Variants in EYS observed in about 807,000 individuals in gnomAD.
EYS encodes the protein EGF-like photoreceptor maintenance factor.
In EYS, 250 loss-of-function variants were observed where a neutral mutation model predicts 282.1. The observed-to-expected ratio is 0.89, with a 90% confidence interval of 0.80 to 0.98. The LOEUF is 0.98. EYS is among the 50% of genes least tolerant of loss of function. EYS has a pLI of 0.00. For missense variants in EYS, 4,016 were observed against 3,709.0 expected, an observed-to-expected ratio of 1.08 and a Z score of -2.15; for synonymous variants, 1,355 against 1,282.9, an observed-to-expected ratio of 1.06 and a Z score of -1.20.
At chr6:64,661,640 C>G (rs1224517099) in intron 22 of EYS, among the ~76,000 whole-genome samples, 3 of 150,376 alleles carry the variant, frequency 2.0e-5, no homozygotes, top group South Asian at 2.1e-4. Flanking sequence ...AAATGCTCAT[C>G]ATCACTGGCC....
chr6:64,110,172 T>C (rs1462337669), intron 31 of EYS, among the ~76,000 whole-genome samples: 1 of 150,418 alleles, frequency 6.6e-6, no homozygotes, highest in African/African-American at 2.5e-5. Context: ...CTAAAGAATC[T>C]TTTTTTTTAA....
At chr6:65,618,712 T>A (rs1766327794) in intron 2 of EYS, among the ~76,000 whole-genome samples, 1 of 152,210 alleles carries the variant, frequency 6.6e-6, no homozygotes, top group African/African-American at 2.4e-5. Flanking sequence ...CTTTAATCCA[T>A]CTTGAATTGA....
chr6:64,776,915 G>A (rs2149990439), intron 22 of EYS, among the ~76,000 whole-genome samples: 1 of 152,244 alleles, frequency 6.6e-6, no homozygotes, highest in Non-Finnish European at 1.5e-5. Context: ...GGACATGCCT[G>A]AGGCTAGGAA....
intron 22 of EYS, among the ~76,000 whole-genome samples, chr6:64,722,758 C>A (rs1164981958): frequency 6.6e-6 from 1 of 152,134 alleles, no homozygotes; most frequent in African/African-American, 2.4e-5. Flanking sequence ...CCATTAACAT[C>A]TTGTAACTAC....
At chr6:64,505,533 T>C (rs1446106313) in intron 26 of EYS, among the ~76,000 whole-genome samples, 1 of 152,180 alleles carries the variant, frequency 6.6e-6, no homozygotes, top group Admixed American at 6.5e-5. Context: ...TGCAGCCCAC[T>C]CAGGCAGGCT....
chr6:63,980,451 CTG>C (rs949994938), intron 35 of EYS, among the ~76,000 whole-genome samples: 3 of 151,912 alleles, frequency 2.0e-5, no homozygotes, highest in East Asian at 1.9e-4. Context: ...TCATCAGTAT[CTG>C]TGTATTTTGA....
At chr6:65,231,680 T>A (rs565636549) in intron 12 of EYS, among the ~76,000 whole-genome samples, 2 of 152,016 alleles carry the variant, frequency 1.3e-5, no homozygotes, top group South Asian at 4.1e-4. Flanking sequence ...ATAATTAAAT[T>A]TAATAATGAA....
chr6:65,618,443 C>G (rs1766309964), intron 2 of EYS, among the ~76,000 whole-genome samples: 1 of 152,200 alleles, frequency 6.6e-6, no homozygotes, highest in African/African-American at 2.4e-5. Flanking sequence ...ATTGTAGATT[C>G]TGGATATTAG....
chr6:64,216,684 G>A (rs2150330732), intron 31 of EYS, among the ~76,000 whole-genome samples: 1 of 152,302 alleles, frequency 6.6e-6, no homozygotes, highest in Admixed American at 6.5e-5. Flanking sequence ...AGTAAGAGAA[G>A]AGGCTGACTG....
chr6:64,845,244 T>C (rs1237625014), intron 19 of EYS, among the ~76,000 whole-genome samples: 2 of 151,998 alleles, frequency 1.3e-5, no homozygotes, highest in Admixed American at 1.3e-4. Flanking sequence ...TGAGCCAACA[T>C]AGTGCCACTA....
intron 39 of EYS, among the ~76,000 whole-genome samples, chr6:63,787,658 A>C (rs1009768838): frequency 8.5e-5 from 13 of 152,210 alleles, no homozygotes; most frequent in Non-Finnish European, 2.9e-5. Context: ...TGGTCAATAA[A>C]TAGTAAATGA....
chr6:63,742,845 A>G (rs1200995667), intron 41 of EYS, among the ~76,000 whole-genome samples: 1 of 152,138 alleles, frequency 6.6e-6, no homozygotes, highest in African/African-American at 2.4e-5. Context: ...GGACAATTCT[A>G]TAAGATTTGA....
intron 12 of EYS, among the ~76,000 whole-genome samples, chr6:65,266,440 C>A (rs1767754696): frequency 6.6e-6 from 1 of 151,814 alleles, no homozygotes. Context: ...TGATGCATGG[C>A]ACCTAAAAGC....
chr6:64,227,126 T>G (rs769478300), intron 31 of EYS, among the ~76,000 whole-genome samples: 4 of 152,124 alleles, frequency 2.6e-5, no homozygotes, highest in Non-Finnish European at 5.9e-5. Context: ...TCTAGATTTT[T>G]CTGAAATTTA....
chr6:64,663,094 A>C (rs1328927231), intron 22 of EYS, among the ~76,000 whole-genome samples: 1 of 145,148 alleles, frequency 6.9e-6, no homozygotes, highest in East Asian at 2.0e-4. Context: ...AGAGTTAATC[A>C]GAGCTTAGCG....
At chr6:63,787,340 G>C (rs956861004) in intron 39 of EYS, 2 of 152,174 alleles carry the variant, frequency 1.3e-5, no homozygotes, top group African/African-American at 4.8e-5. Flanking sequence ...GGTATGGATG[G>C]GTTGACTGCA....
At chr6:63,929,186 T>C (rs1183603280) in intron 35 of EYS, among the ~76,000 whole-genome samples, 1 of 152,220 alleles carries the variant, frequency 6.6e-6, no homozygotes. Context: ...GAACTGTTTC[T>C]AATCTGATTT....
intron 22 of EYS, among the ~76,000 whole-genome samples, 158 bp from the exon 23 acceptor site, chr6:64,626,403 C>T (rs949829635): frequency 7.9e-5 from 12 of 152,034 alleles, no homozygotes; most frequent in African/African-American, 2.7e-4. Flanking sequence ...ATTGTGGCCC[C>T]AAAACAGTAT....
intron 31 of EYS, among the ~76,000 whole-genome samples, chr6:64,205,629 C>A (rs1268570860): frequency 6.6e-6 from 1 of 152,046 alleles, no homozygotes; most frequent in Non-Finnish European, 1.5e-5. Flanking sequence ...AGGATATTTT[C>A]TGAAGTAATT....
Sources: gnomAD v4.1 joint callset for allele counts (sites outside exome capture counted in the v4.1 genomes callset) on GRCh38, gnomAD v4.1.1 for gene constraint, MANE v1.5 for transcripts, NCBI Gene and HGNC (gene_info 2026-07-23, HGNC 2026-07-21) for gene names.